The following COL10A1 variants were observed in gnomAD, a reference collection of about 807,000 sequenced individuals.
COL10A1 encodes the protein collagen type X alpha 1 chain, also known as collagen alpha-1(X) chain.
A neutral mutation model predicts 18.2 loss-of-function variants in COL10A1; 10 were observed. That is an observed-to-expected ratio of 0.55 (90% confidence interval 0.34 to 0.93). COL10A1 has a LOEUF of 0.93. Ranked by LOEUF, COL10A1 falls within the 40% of genes least tolerant of loss-of-function variation. The pLI is 0.02. For missense variants in COL10A1, 897 were observed against 853.5 expected, an observed-to-expected ratio of 1.05 and a Z score of -0.64; for synonymous variants, 330 against 316.6, an observed-to-expected ratio of 1.04 and a Z score of -0.45.
At chr6:116,165,652 C>T in the COL10A1 span, among the ~76,000 whole-genome samples, 3 of 152,224 alleles carry the variant, frequency 2.0e-5, no homozygotes, top group African/African-American at 4.8e-5. Context: ...TACCAACCAC[C>T]AGTACCACCC....
At chr6:116,187,275 G>A in the COL10A1 span, among the ~76,000 whole-genome samples, 6,960 of 152,120 alleles carry the variant, frequency 0.046, 178 homozygotes, top group Non-Finnish European at 0.059. Flanking sequence ...GCAGGGGAGC[G>A]AAGTGGACTC....
At chr6:116,147,813 T>C (rs970167350) in intron 1 of COL10A1, among the ~76,000 whole-genome samples, 2 of 152,170 alleles carry the variant, frequency 1.3e-5, no homozygotes, top group African/African-American at 4.8e-5. Context: ...TTGTTTGTAA[T>C]AGCAGAAGAA....
At chr6:116,148,897 T>G (rs920674160) in intron 1 of COL10A1, among the ~76,000 whole-genome samples, 3 of 152,134 alleles carry the variant, frequency 2.0e-5, no homozygotes, top group African/African-American at 7.2e-5. Flanking sequence ...ATACATGTAT[T>G]ACATGATACC....
upstream of COL10A1, among the ~76,000 whole-genome samples, chr6:116,159,704 G>C (rs1253450922): frequency 1.3e-5 from 2 of 151,994 alleles, no homozygotes; most frequent in Admixed American, 1.3e-4. Context: ...TGTGAGTTTT[G>C]GGTTTCTAGT....
chr6:116,131,981 T>C (rs770782395), intron 1 of COL10A1, among the ~76,000 whole-genome samples: 20 of 152,190 alleles, frequency 1.3e-4, no homozygotes, highest in Non-Finnish European at 2.5e-4. Context: ...CAGCACCACA[T>C]GTGTTTCTGC....
the COL10A1 span, among the ~76,000 whole-genome samples, chr6:116,183,369 T>G: frequency 3.3e-5 from 5 of 152,126 alleles, no homozygotes; most frequent in Non-Finnish European, 7.4e-5. Flanking sequence ...TCTTTTTTGG[T>G]GCCATATGAA....
chr6:116,195,444 A>G, the COL10A1 span, among the ~76,000 whole-genome samples: 3 of 151,968 alleles, frequency 2.0e-5, no homozygotes, highest in Non-Finnish European at 2.9e-5. Flanking sequence ...AGTTTACCAG[A>G]TTAGGTTGGT....
chr6:116,209,077 C>A, the COL10A1 span, among the ~76,000 whole-genome samples: 6 of 151,932 alleles, frequency 3.9e-5, no homozygotes, highest in African/African-American at 9.7e-5. Flanking sequence ...TTTTATTATT[C>A]TTTTGGTACT....
chr6:116,202,596 T>C, the COL10A1 span, among the ~76,000 whole-genome samples: 1 of 151,994 alleles, frequency 6.6e-6, no homozygotes, highest in African/African-American at 2.4e-5. Flanking sequence ...CAAAGTTCAG[T>C]GACACTAAGT....
chr6:116,146,100 G>C (rs1400730069), intron 1 of COL10A1, among the ~76,000 whole-genome samples: 1 of 152,190 alleles, frequency 6.6e-6, no homozygotes, highest in Non-Finnish European at 1.5e-5. Context: ...CTGACTTGTT[G>C]ATTATGGTTA....
the COL10A1 span, among the ~76,000 whole-genome samples, chr6:116,175,805 T>G: frequency 6.6e-6 from 1 of 152,210 alleles, no homozygotes; most frequent in Non-Finnish European, 1.5e-5. Flanking sequence ...TATCTACCCA[T>G]TAATGTTGTT....
chr6:116,161,350 A>T (rs1256999426), upstream of COL10A1, among the ~76,000 whole-genome samples: 3 of 152,094 alleles, frequency 2.0e-5, no homozygotes, highest in East Asian at 1.9e-4. Context: ...ATAATAATAA[A>T]AAATAATAAT....
chr6:116,136,476 T>TA (rs397965325), intron 1 of COL10A1, among the ~76,000 whole-genome samples: 26 of 151,880 alleles, frequency 1.7e-4, no homozygotes, highest in Admixed American at 6.6e-4. Flanking sequence ...GGGTTTTTTT[T>TA]AAAAGAAGAA....
At chr6:116,213,540 A>G in the COL10A1 span, among the ~76,000 whole-genome samples, 1 of 152,132 alleles carries the variant, frequency 6.6e-6, no homozygotes, top group Non-Finnish European at 1.5e-5. Context: ...ATATAAAAGA[A>G]TGGAACAATT....
In COL10A1 at chr6:116,121,755, C is replaced by T. The variant is rs760596392; in HGVS notation, c.361G>A (p.Gly121Arg). 2 of 1,613,892 alleles carry T rather than the reference C, an allele frequency of 1.2e-6. No homozygotes were observed. The highest frequency in any genetic ancestry group is 2.2e-5 in the East Asian group (1 of 44,856). The change falls in exon 3 of 3, where the codon GGA becomes AGA. Residue 121 changes from glycine to arginine, a missense_variant. Coordinates refer to ENST00000651968, the MANE Select transcript of COL10A1 (RefSeq NM_000493.4). ...ACATCTCCTTTTGGTCCATATGGTC[C>T]TCTCTCTCCTGGTTTTCCTGGGAGT... is the stretch of plus-strand genomic sequence containing the variant. ...PGLPGKPGER[G>R]PYGPKGDVGP...
At position 116,146,608 on chromosome 6, in the gene COL10A1, A is replaced by G. The variant is rs188150035; in HGVS notation, c.-16+12006T>C. On this transcript the variant is annotated intron_variant, in intron 1 of 1. Transcript: ENST00000418500. Reference sequence around the variant, plus strand: ...GAATTAAATAGGAATAAATCTAGGGAAAATACTTACTTTATCTGTATCTTA... The same window carrying G: ...GAATTAAATAGGAATAAATCTAGGGGAAATACTTACTTTATCTGTATCTTA... Among the ~76,000 whole-genome samples the G allele has an allele frequency of 2.6e-3, 396 of 152,350 alleles. 10 individuals are homozygous for G. In the South Asian group the frequency reaches 0.043, roughly 17 times the overall value.
chr6:116,146,188 T>A (rs1779894495), intron 1 of COL10A1, among the ~76,000 whole-genome samples: 1 of 152,180 alleles, frequency 6.6e-6, no homozygotes, highest in African/African-American at 2.4e-5. Context: ...GAAGAGTCCC[T>A]GGGGATATGA....
chr6:116,205,551 C>G, the COL10A1 span, among the ~76,000 whole-genome samples: 1 of 151,892 alleles, frequency 6.6e-6, no homozygotes, highest in African/African-American at 2.4e-5. Context: ...TCTGATCTTG[C>G]TAGACCTAGT....
At chr6:116,216,119 A>G in the COL10A1 span, among the ~76,000 whole-genome samples, 1 of 152,114 alleles carries the variant, frequency 6.6e-6, no homozygotes, top group Non-Finnish European at 1.5e-5. Context: ...GTAAGAGTAA[A>G]CACTTTAAAG....
Sources: gnomAD v4.1 joint callset for allele counts (sites outside exome capture counted in the v4.1 genomes callset) on GRCh38, gnomAD v4.1.1 for gene constraint, MANE v1.5 for transcripts, NCBI Gene and HGNC (gene_info 2026-07-23, HGNC 2026-07-21) for gene names.